The following COG3 variants were observed in gnomAD, a reference collection of about 807,000 sequenced individuals.
COG3 encodes the protein conserved oligomeric Golgi complex subunit 3.
A neutral mutation model predicts 114.1 loss-of-function variants in COG3; 32 were observed. The ratio of observed to expected loss-of-function variants is 0.28; its 90% confidence interval spans 0.21 to 0.38. The LOEUF is 0.38. Among genes scored for constraint, COG3 ranks in the 10% least tolerant of loss-of-function variants. The probability of loss-of-function intolerance (pLI) is 1.00; values close to 1 mark genes in which losing one functional copy is unlikely to be tolerated. For missense variants in COG3, 813 were observed against 973.2 expected (o/e 0.84, Z 2.19); for synonymous variants, 352 against 365.7 (o/e 0.96, Z 0.43).
intron 19 of COG3, among the ~76,000 whole-genome samples, chr13:45,521,928 G>C (rs990055756): frequency 6.6e-6 from 1 of 151,296 alleles, no homozygotes; most frequent in African/African-American, 2.4e-5. Context: ...TCTGCCTCCT[G>C]AGTAGCTGAG....
In COG3 at chr13:45,476,360, A is replaced by G. The variant is rs1403330390; in HGVS notation, c.321+13A>G. On this transcript the variant is annotated intron_variant, in intron 2 of 22. Coordinates refer to ENST00000349995, the MANE Select transcript of COG3 (RefSeq NM_031431.4). ...AACCGCACAGCAGGTGAATTGCAGTATCTTTTCTAAGGATGTTTGATTATT... is the reference window on the plus strand; with the variant it reads ...AACCGCACAGCAGGTGAATTGCAGTGTCTTTTCTAAGGATGTTTGATTATT... The G allele has an allele frequency of 3.1e-6, 5 of 1,612,108 alleles. No individual in the cohort carries two copies. The South Asian group carries it at 3.3e-5, about 11-fold the overall frequency.
At chr13:45,482,836 T>C (rs1886334678) in intron 6 of COG3, among the ~76,000 whole-genome samples, 1 of 152,220 alleles carries the variant, frequency 6.6e-6, no homozygotes, top group Non-Finnish European at 1.5e-5. Context: ...CAGAAAGTGT[T>C]ACTTGGGGGG....
intron 16 of COG3, 22 bp from the exon 17 acceptor site, chr13:45,516,121 A>G: frequency 6.6e-7 from 1 of 1,513,486 alleles, no homozygotes; most frequent in Non-Finnish European, 9.0e-7. Context: ...GATCATATCC[A>G]TTTTTCTGTC....
At chr13:45,487,841 T>G (rs1214332322) in intron 8 of COG3, among the ~76,000 whole-genome samples, 8 of 152,136 alleles carry the variant, frequency 5.3e-5, no homozygotes. Context: ...CTCAAAAAAC[T>G]AAAAATAGAG....
Position 45,516,252 on chromosome 13 carries a change from A to G in COG3, c.1919A>G (p.Lys640Arg), listed in dbSNP as rs1871525006. The change falls in exon 17 of 23, where the codon AAG (lysine) becomes AGG (arginine). Residue 640 changes from lysine (K) to arginine (R), a missense_variant. Transcript: ENST00000349995. ...FTIKEISLDL[K>R]KTRDAAFKIL... ...ATTAAGGAAATTTCCCTGGACCTCA[A>G]GAAAACTAGAGGTACTTTGCTGTCC... The G allele has an allele frequency of 6.3e-7, 1 of 1,587,830 alleles. No individual in the cohort carries two copies. The highest frequency in any genetic ancestry group is 1.7e-4 in the Middle Eastern group (1 of 5,984).
chr13:45,476,682 A>T (rs1441046597), intron 2 of COG3, among the ~76,000 whole-genome samples: 1 of 150,940 alleles, frequency 6.6e-6, no homozygotes, highest in East Asian at 2.0e-4. Context: ...GTACCCCTCC[A>T]TCTCACTTGT....
At chr13:45,527,040 A>G (rs1457043274) in intron 20 of COG3, among the ~76,000 whole-genome samples, 3 of 152,206 alleles carry the variant, frequency 2.0e-5, no homozygotes, top group African/African-American at 4.8e-5. Context: ...GGTATGATAA[A>G]TCTTTCTTAA....
intron 13 of COG3, among the ~76,000 whole-genome samples, chr13:45,500,731 A>T (rs957804162): frequency 2.0e-5 from 3 of 152,176 alleles, no homozygotes; most frequent in Non-Finnish European, 4.4e-5. Context: ...TCCATAGTTT[A>T]TTCAGATTTT....
chr13:45,471,886 C>T (rs1488041170), intron 1 of COG3, among the ~76,000 whole-genome samples: 2 of 152,168 alleles, frequency 1.3e-5, no homozygotes, highest in Non-Finnish European at 1.5e-5. Flanking sequence ...GCGCCCGCCA[C>T]TACGCCTGGC....
chr13:45,470,642 T>G (rs538534181), intron 1 of COG3, among the ~76,000 whole-genome samples: 1 of 152,374 alleles, frequency 6.6e-6, no homozygotes, highest in South Asian at 2.1e-4. Flanking sequence ...TTTGCACAAC[T>G]ATAGTATCTG....
intron 13 of COG3, among the ~76,000 whole-genome samples, chr13:45,498,753 G>T: frequency 1.5e-5 from 2 of 137,920 alleles, no homozygotes; most frequent in African/African-American, 5.3e-5. Context: ...AATAAATTTT[G>T]TACTTGGGAA....
intron 7 of COG3, among the ~76,000 whole-genome samples, chr13:45,485,104 T>G (rs1236149334): frequency 6.8e-6 from 1 of 148,098 alleles, no homozygotes; most frequent in African/African-American, 2.5e-5. Context: ...CCGTTCTCAA[T>G]GAGCTACTGG....
At chr13:45,513,833 T>C (rs1871235573) in intron 16 of COG3, among the ~76,000 whole-genome samples, 1 of 151,952 alleles carries the variant, frequency 6.6e-6, no homozygotes, top group African/African-American at 2.4e-5. Context: ...TTACATAAAT[T>C]GTGGCATGTT....
At position 45,496,968 on chromosome 13, in the gene COG3, C is replaced by T. The variant is rs184104738; in HGVS notation, c.1488+656C>T. 2.0e-4 allele frequency among the ~76,000 whole-genome samples: 31 copies of T among 152,310 alleles called. No individual in the cohort carries two copies. The East Asian group carries it at 3.9e-3, about 19-fold the overall frequency. On this transcript the variant is annotated intron_variant, in intron 13 of 22. Coordinates refer to ENST00000349995, the MANE Select transcript of COG3 (RefSeq NM_031431.4). The stretch of plus-strand genomic sequence containing the variant: ...GATTACTGGCGTGAGCCACCGCACC[C>T]GGCCCCTTCAAGTTATGTTTTATAA...
chr13:45,485,234 AC>A (rs1305681871), intron 7 of COG3, among the ~76,000 whole-genome samples: 3 of 56,540 alleles, frequency 5.3e-5, no homozygotes, highest in South Asian at 6.9e-4. Context: ...AGGGGGGCTG[AC>A]CCCCCCCACC....
chr13:45,531,463 G>C (rs1327618512), intron 22 of COG3, among the ~76,000 whole-genome samples: 3 of 152,008 alleles, frequency 2.0e-5, no homozygotes. Flanking sequence ...TAGAAACTGG[G>C]TGAATAGGAC....
intron 22 of COG3, chr13:45,531,326 G>T (rs1239833785): frequency 6.6e-6 from 1 of 152,462 alleles, no homozygotes; most frequent in African/African-American, 2.4e-5. Flanking sequence ...ATTAGGAGTA[G>T]CCTGGCGCTG....
rs116080647 is a variant in COG3 at position 45,506,973 on chromosome 13, C to T, written c.1595-2719C>T. Among the ~76,000 whole-genome samples, 1,116 of 152,260 alleles carry T rather than the reference C, an allele frequency of 7.3e-3. 14 individuals carry two copies. Among genetic ancestry groups the T allele is most frequent in the African/African-American group, 0.025 (1,039 of 41,542 alleles). Reference sequence around the variant, plus strand: ...GAGCAAGTAAGGGGGAGGTGAGGCCCGTGGAGGACGACGGAGGCAGACGTG... The same window carrying T: ...GAGCAAGTAAGGGGGAGGTGAGGCCTGTGGAGGACGACGGAGGCAGACGTG... On this transcript the variant is annotated intron_variant, in intron 14 of 22. Transcript: ENST00000349995.
chr13:45,467,018 T>C (rs533451876), intron 1 of COG3, among the ~76,000 whole-genome samples: 4 of 152,338 alleles, frequency 2.6e-5, no homozygotes, highest in Admixed American at 6.5e-5. Flanking sequence ...GTTCAGATGG[T>C]GGTCCATAAT....
Sources: gnomAD v4.1 joint callset for allele counts (sites outside exome capture counted in the v4.1 genomes callset) on GRCh38, gnomAD v4.1.1 for gene constraint, MANE v1.5 for transcripts, NCBI Gene and HGNC (gene_info 2026-07-23, HGNC 2026-07-21) for gene names.